Variants in TBC1D5 observed in about 807,000 individuals in gnomAD.
TBC1D5 encodes the protein TBC1 domain family member 5, also known as TBC1 domain family, member 5.
Under a neutral mutation model 100.3 loss-of-function variants are expected in TBC1D5, and 75 were observed. That is an observed-to-expected ratio of 0.75 (90% CI 0.62 to 0.91). The LOEUF (loss-of-function observed/expected upper bound fraction) is 0.91. Among genes scored for constraint, TBC1D5 ranks in the 40% least tolerant of loss-of-function variants. The probability of loss-of-function intolerance (pLI) is 0.00; values close to 1 mark genes in which losing one functional copy is unlikely to be tolerated. For missense variants in TBC1D5, 910 were observed against 942.4 expected, an observed-to-expected ratio of 0.97 and a Z score of 0.45; for synonymous variants, 323 against 325.6, an observed-to-expected ratio of 0.99 and a Z score of 0.09.
intron 1 of TBC1D5, among the ~76,000 whole-genome samples, chr3:17,704,187 AT>A (rs1370090051): frequency 7.3e-6 from 1 of 137,720 alleles, no homozygotes; most frequent in Non-Finnish European, 1.6e-5. Flanking sequence ...CCCTTAATCC[AT>A]TTAACCCTGA....
chr3:17,500,969 C>T (rs539312067), intron 3 of TBC1D5, among the ~76,000 whole-genome samples: 51 of 149,492 alleles, frequency 3.4e-4, no homozygotes, highest in Non-Finnish European at 2.1e-4. Context: ...TCTTTGCTCT[C>T]GGATGTCACT....
intron 1 of TBC1D5, among the ~76,000 whole-genome samples, chr3:17,698,742 C>G (rs1396197599): frequency 6.6e-6 from 1 of 150,460 alleles, no homozygotes; most frequent in African/African-American, 2.4e-5. Context: ...AGGATATGAA[C>G]CGACACTTCT....
intron 1 of TBC1D5, among the ~76,000 whole-genome samples, chr3:17,697,426 T>C (rs1282097757): frequency 1.3e-5 from 2 of 152,168 alleles, no homozygotes; most frequent in Non-Finnish European, 1.5e-5. Context: ...ACAAAATCAA[T>C]GTGAAAAAAT....
chr3:17,343,262 A>C (rs1052827976), intron 13 of TBC1D5, among the ~76,000 whole-genome samples: 25 of 152,164 alleles, frequency 1.6e-4, no homozygotes, highest in African/African-American at 3.6e-4. Context: ...TATATGCTGT[A>C]TTACATTTAT....
At chr3:17,506,478 A>G (rs1034075338) in intron 3 of TBC1D5, among the ~76,000 whole-genome samples, 1 of 152,184 alleles carries the variant, frequency 6.6e-6, no homozygotes, top group Non-Finnish European at 1.5e-5. Context: ...GGTCTTGATT[A>G]CTTCAAGATT....
chr3:17,659,094 G>C (rs2066400109), intron 1 of TBC1D5, among the ~76,000 whole-genome samples: 1 of 152,158 alleles, frequency 6.6e-6, no homozygotes, highest in Non-Finnish European at 1.5e-5. Flanking sequence ...ATTGTACAGA[G>C]GGGGAAGGGA....
At chr3:17,303,750 T>C (rs955049710) in intron 14 of TBC1D5, among the ~76,000 whole-genome samples, 1 of 151,526 alleles carries the variant, frequency 6.6e-6, no homozygotes, top group Non-Finnish European at 1.5e-5. Flanking sequence ...ACCACTATTT[T>C]AAAAAACACT....
chr3:17,468,186 G>T (rs74618171), intron 3 of TBC1D5, among the ~76,000 whole-genome samples: 42 of 152,264 alleles, frequency 2.8e-4, no homozygotes, highest in African/African-American at 9.9e-4. Flanking sequence ...ACACTAAAAA[G>T]ACTCTAACAT....
exon 22 of TBC1D5, chr3:17,160,818 G>T: frequency 1.9e-6 from 2 of 1,045,108 alleles, no homozygotes; most frequent in Non-Finnish European, 2.7e-6. Context: ...CTCTCTAAGG[G>T]GTTTCAAAGG....
At chr3:17,282,635 T>C (rs1248030386) in intron 15 of TBC1D5, among the ~76,000 whole-genome samples, 14 of 152,208 alleles carry the variant, frequency 9.2e-5, no homozygotes, top group Admixed American at 8.5e-4. Context: ...TTCATTGCTC[T>C]CTCAAGCTGC....
intron 2 of TBC1D5, chr3:17,622,737 C>T (rs1050253530): frequency 1.3e-5 from 2 of 151,972 alleles, no homozygotes; most frequent in Admixed American, 1.3e-4. Context: ...ATTTATGTGA[C>T]CATGGGATCT....
At chr3:17,519,291 AG>A (rs1394673768) in intron 2 of TBC1D5, among the ~76,000 whole-genome samples, 2 of 152,212 alleles carry the variant, frequency 1.3e-5, no homozygotes, top group African/African-American at 4.8e-5. Context: ...ACTACTTTTA[AG>A]TAAAGGAGGG....
chr3:17,214,025 T>C (rs751981049), intron 18 of TBC1D5, among the ~76,000 whole-genome samples, 182 bp downstream of exon 19: 13 of 151,428 alleles, frequency 8.6e-5, no homozygotes, highest in African/African-American at 1.9e-4. Flanking sequence ...CAGTGTAATA[T>C]AGGCTACAGC....
At chr3:17,337,403 C>T (rs535890630) in intron 13 of TBC1D5, 10 of 152,076 alleles carry the variant, frequency 6.6e-5, no homozygotes, top group Non-Finnish European at 1.2e-4. Flanking sequence ...ACTTGGTGAA[C>T]GGTTTTATTC....
chr3:17,551,652 G>A (rs2096474667), intron 2 of TBC1D5, among the ~76,000 whole-genome samples: 3 of 152,240 alleles, frequency 2.0e-5, no homozygotes, highest in African/African-American at 7.2e-5. Context: ...TGTAATGAGG[G>A]AAGCAAACTC....
At chr3:17,682,297 G>C (rs1388900142) in intron 1 of TBC1D5, among the ~76,000 whole-genome samples, 1 of 151,274 alleles carries the variant, frequency 6.6e-6, no homozygotes, top group East Asian at 1.9e-4. Flanking sequence ...AAAAAAACCT[G>C]TAATGCTTTA....
At chr3:17,301,502 T>C (rs913870128) in intron 14 of TBC1D5, among the ~76,000 whole-genome samples, 5 of 152,196 alleles carry the variant, frequency 3.3e-5, no homozygotes, top group Admixed American at 3.3e-4. Flanking sequence ...CCAAGTACTA[T>C]ATTAACTGAG....
chr3:17,555,606 T>A (rs560885060), intron 2 of TBC1D5, among the ~76,000 whole-genome samples: 1 of 152,302 alleles, frequency 6.6e-6, no homozygotes, highest in East Asian at 1.9e-4. Context: ...GGAATGGGAC[T>A]GTGATTCTAT....
At chr3:17,484,278 G>A (rs1262997954) in intron 3 of TBC1D5, among the ~76,000 whole-genome samples, 1 of 152,002 alleles carries the variant, frequency 6.6e-6, no homozygotes, top group Non-Finnish European at 1.5e-5. Flanking sequence ...TTAATCAAAA[G>A]GCCTATTAAG....
Sources: gnomAD v4.1 joint callset for allele counts (sites outside exome capture counted in the v4.1 genomes callset) on GRCh38, gnomAD v4.1.1 for gene constraint, MANE v1.5 for transcripts, NCBI Gene and HGNC (gene_info 2026-07-23, HGNC 2026-07-21) for gene names.